Variants in RAB27A observed in about 807,000 individuals in gnomAD.
RAB27A encodes the protein ras-related protein Rab-27A.
In RAB27A, 17 loss-of-function variants were observed where a neutral mutation model predicts 20.8. The ratio of observed to expected loss-of-function variants is 0.82; its 90% CI spans 0.56 to 1.23. The LOEUF (loss-of-function observed/expected upper bound fraction) is 1.23, where lower values mean the gene tolerates loss of function less well. RAB27A is among the 50% of genes most tolerant of loss of function. The pLI is 0.00. For missense variants in RAB27A, 277 were observed against 266.7 expected, an observed-to-expected ratio of 1.04 and a Z score of -0.27; for synonymous variants, 85 against 92.8, an observed-to-expected ratio of 0.92 and a Z score of 0.48.
intron 1 of RAB27A, among the ~76,000 whole-genome samples, chr15:55,276,964 A>G (rs1307241388): frequency 6.6e-6 from 1 of 152,200 alleles, no homozygotes; most frequent in African/African-American, 2.4e-5. Context: ...TTAAATATGT[A>G]CAGACTTTTT....
At chr15:55,254,780 A>G (rs192050520) in intron 2 of RAB27A, among the ~76,000 whole-genome samples, 2 of 152,374 alleles carry the variant, frequency 1.3e-5, no homozygotes, top group Admixed American at 1.3e-4. Flanking sequence ...TTTCAGGCAC[A>G]AAATATTTAT....
chr15:55,230,629 T>C, intron 3 of RAB27A, 143 bp from the exon 4 acceptor site: 1 of 655,076 alleles, frequency 1.5e-6, no homozygotes. Context: ...TTTGTATTTA[T>C]GTCAAATAAT....
At chr15:55,247,800 A>G (rs1466007951) in intron 2 of RAB27A, among the ~76,000 whole-genome samples, 2 of 152,156 alleles carry the variant, frequency 1.3e-5, no homozygotes, top group East Asian at 1.9e-4. Context: ...CGCATTTATC[A>G]TTGACTTTGT....
chr15:55,316,970 T>G (rs1040754506), intron 1 of RAB27A, among the ~76,000 whole-genome samples: 2 of 152,158 alleles, frequency 1.3e-5, no homozygotes, highest in East Asian at 3.8e-4. Context: ...GGTTCACATA[T>G]CTACAAACAC....
In RAB27A at chr15:55,205,288, G is replaced by A; in HGVS notation, c.*219C>T. ...GGTTGTATAAGGCACTTTTGGCTCT[G>A]AAATATTTCTCCTAACTCTCAGGCT... On this transcript the variant is annotated 3_prime_UTR_variant, in exon 7 of 7. Transcript: ENST00000336787. The A allele has an allele frequency of 1.7e-6, 1 of 601,384 alleles. No individual in the cohort carries two copies. Among genetic ancestry groups the A allele is most frequent in the Non-Finnish European group, 2.9e-6 (1 of 340,938 alleles). 37.3% of individuals were successfully genotyped at this position (601,384 alleles called of 1,614,324 possible).
chr15:55,314,363 C>T (rs992009712), intron 1 of RAB27A, among the ~76,000 whole-genome samples: 26 of 152,036 alleles, frequency 1.7e-4, no homozygotes, highest in African/African-American at 5.3e-4. Context: ...CTTTGAAAAC[C>T]GGCATAAGGA....
intron 2 of RAB27A, among the ~76,000 whole-genome samples, chr15:55,246,713 A>T (rs1896700387): frequency 6.6e-6 from 1 of 152,234 alleles, no homozygotes; most frequent in Non-Finnish European, 1.5e-5. Flanking sequence ...TATCTCAAAT[A>T]ATGTGACGGC....
At chr15:55,270,018 T>G (rs935766091) in intron 2 of RAB27A, 147 bp downstream of exon 2, 2 of 152,116 alleles carry the variant, frequency 1.3e-5, no homozygotes, top group African/African-American at 4.8e-5. Context: ...CCAAGAAATT[T>G]AGTAGACATC....
At chr15:55,238,173 T>C (rs1299012983) in intron 2 of RAB27A, 1 of 152,136 alleles carries the variant, frequency 6.6e-6, no homozygotes, top group African/African-American at 2.4e-5. Flanking sequence ...GATCTGAAAA[T>C]AAATGTTCAG....
intron 4 of RAB27A, among the ~76,000 whole-genome samples, chr15:55,229,618 T>C (rs1344348320): frequency 6.6e-6 from 1 of 151,542 alleles, no homozygotes; most frequent in East Asian, 1.9e-4. Context: ...GAGGTTGCGG[T>C]GAGCTGAGAT....
At chr15:55,302,449 C>G (rs1247112262) in intron 2 of RAB27A, among the ~76,000 whole-genome samples, 4 of 152,134 alleles carry the variant, frequency 2.6e-5, no homozygotes, top group Non-Finnish European at 1.5e-5. Flanking sequence ...AGCCGCCTGC[C>G]TTGGCCTCCC....
intron 2 of RAB27A, among the ~76,000 whole-genome samples, chr15:55,262,902 T>C (rs1162603906): frequency 6.6e-6 from 1 of 152,162 alleles, no homozygotes; most frequent in Non-Finnish European, 1.5e-5. Flanking sequence ...AAGAATGACA[T>C]TTGCTGTAGA....
chr15:55,206,557 G>T (rs537553396), intron 6 of RAB27A, among the ~76,000 whole-genome samples: 2 of 152,214 alleles, frequency 1.3e-5, no homozygotes, highest in East Asian at 3.9e-4. Context: ...TGCCCAGGCT[G>T]GTTTCGAACT....
intron 2 of RAB27A, among the ~76,000 whole-genome samples, chr15:55,263,973 A>G (rs1448704074): frequency 6.6e-6 from 1 of 152,244 alleles, no homozygotes; most frequent in African/African-American, 2.4e-5. Context: ...TCGTAAGAGA[A>G]TACAACATTT....
intron 6 of RAB27A, among the ~76,000 whole-genome samples, chr15:55,217,830 T>C (rs1045832769): frequency 1.3e-5 from 2 of 152,064 alleles, no homozygotes; most frequent in Non-Finnish European, 2.9e-5. Flanking sequence ...CTGCTCATCG[T>C]TATTACCAGT....
At chr15:55,278,627 C>T (rs1285267063) in intron 1 of RAB27A, among the ~76,000 whole-genome samples, 3 of 151,982 alleles carry the variant, frequency 2.0e-5, no homozygotes, top group Non-Finnish European at 4.4e-5. Context: ...GGACTATAGG[C>T]GCCCGCCACC....
intron 2 of RAB27A, among the ~76,000 whole-genome samples, chr15:55,244,845 T>C (rs1435264882): frequency 6.6e-6 from 1 of 152,236 alleles, no homozygotes; most frequent in Non-Finnish European, 1.5e-5. Context: ...AATGTTCATA[T>C]ACAAATGACT....
chr15:55,261,648 G>A (rs1163828317), intron 2 of RAB27A, among the ~76,000 whole-genome samples: 1 of 120,662 alleles, frequency 8.3e-6, no homozygotes, highest in Non-Finnish European at 1.6e-5. Context: ...GGCTAAGGTA[G>A]AAGAATAGCT....
intron 2 of RAB27A, among the ~76,000 whole-genome samples, chr15:55,311,197 T>C (rs1454689272): frequency 2.0e-5 from 3 of 152,226 alleles, no homozygotes; most frequent in African/African-American, 7.2e-5. Context: ...TTGGAGCTAG[T>C]GTCTGATTTA....
Sources: gnomAD v4.1 joint callset for allele counts (sites outside exome capture counted in the v4.1 genomes callset) on GRCh38, gnomAD v4.1.1 for gene constraint, MANE v1.5 for transcripts, NCBI Gene and HGNC (gene_info 2026-07-23, HGNC 2026-07-21) for gene names.